Variants in ELL observed in about 807,000 individuals in gnomAD.
The protein encoded by ELL is RNA polymerase II elongation factor ELL.
Under a neutral mutation model 64.0 loss-of-function variants are expected in ELL, and 18 were observed. The ratio of observed to expected loss-of-function variants is 0.28; its 90% CI spans 0.19 to 0.42. ELL has a LOEUF of 0.42. ELL is among the 10% of genes least tolerant of loss of function. The probability of loss-of-function intolerance (pLI) is 1.00; values close to 1 mark genes in which losing one functional copy is unlikely to be tolerated. For synonymous variants in ELL, 399 were observed against 376.2 expected (o/e 1.06, Z -0.70); for missense variants, 797 against 870.4 (o/e 0.92, Z 1.06).
rs750520287 is a variant in ELL, at chr19:18,450,508, A to T, written c.1434T>A (p.His478Gln). The change falls in exon 8 of 12, where the codon CAT (histidine) becomes CAA (glutamine). Residue 478 changes from histidine to glutamine, a missense_variant. By Grantham distance (24) the His-to-Gln change is conservative. Transcript: ENST00000262809. The stretch of plus-strand genomic sequence containing the variant: ...TGTCTGCTGGGGCTCCGGGGGTGGC[A>T]TGGGTGGCAGGTGCACAGTCTGGAA... ...AQLPDCAPAT[H>Q]ATPGAPADTP... is the part of the protein sequence containing the mutation. 2 of 1,613,110 alleles carry T rather than the reference A, an allele frequency of 1.2e-6. No individual in the cohort carries two copies. The highest frequency in any genetic ancestry group is 1.7e-6 in the Non-Finnish European group (2 of 1,179,896).
intron 4 of ELL, among the ~76,000 whole-genome samples, chr19:18,463,822 C>CA (rs930497702): frequency 2.7e-4 from 40 of 149,690 alleles, no homozygotes; most frequent in African/African-American, 8.1e-4. Context: ...ATTAAAAATA[C>CA]AAAAAAAAAG....
intron 1 of ELL, among the ~76,000 whole-genome samples, chr19:18,481,037 T>C (rs1299483715): frequency 6.6e-6 from 1 of 152,166 alleles, no homozygotes; most frequent in Non-Finnish European, 1.5e-5. Context: ...TGCCCAAAAC[T>C]GTGGCCTCTA....
At chr19:18,474,240 C>G (rs1975128629) in intron 1 of ELL, among the ~76,000 whole-genome samples, 1 of 152,240 alleles carries the variant, frequency 6.6e-6, no homozygotes, top group Non-Finnish European at 1.5e-5. Context: ...GCTGGCCTTT[C>G]AGCACCTGCT....
At chr19:18,486,145 A>G (rs1474391565) in intron 1 of ELL, among the ~76,000 whole-genome samples, 2 of 152,072 alleles carry the variant, frequency 1.3e-5, no homozygotes, top group Admixed American at 6.5e-5. Context: ...AAACACCCCC[A>G]GGCTGCCCTG....
intron 4 of ELL, 151 bp from the exon 5 acceptor site, chr19:18,462,003 G>C (rs1330914205): frequency 5.6e-6 from 6 of 1,080,400 alleles, no homozygotes; most frequent in Non-Finnish European, 6.5e-6. Context: ...TTGCTCCTTG[G>C]GGACCCTGGG....
intron 1 of ELL, among the ~76,000 whole-genome samples, chr19:18,473,416 A>G (rs1193267232): frequency 6.6e-6 from 1 of 152,234 alleles, no homozygotes; most frequent in East Asian, 1.9e-4. Flanking sequence ...ACTGGCTTTT[A>G]ACAACCAGGT....
chr19:18,453,871 G>A (rs1477020746), intron 6 of ELL, among the ~76,000 whole-genome samples: 1 of 152,164 alleles, frequency 6.6e-6, no homozygotes, highest in African/African-American at 2.4e-5. Context: ...GCCCGGTCCT[G>A]ATTCAACATT....
Position 18,465,967 on chromosome 19 carries a change from G to C in ELL, c.184-49C>G, listed in dbSNP as rs1009142771. 3 of 1,262,344 alleles carry C rather than the reference G, an allele frequency of 2.4e-6. No homozygotes were observed. In the African/African-American group the frequency reaches 4.6e-5, roughly 19 times the overall value. The allele number at this position is 1,262,344 out of a possible 1,614,324, so 78.2% of individuals were successfully genotyped here. On this transcript the variant is annotated intron_variant, in intron 2 of 11. Transcript: ENST00000262809. The stretch of plus-strand genomic sequence containing the variant: ...CACTGGGAGGTCCTCGGCAGGACAG[G>C]TCCCCAGCCTGCATCTTCCTGCATG...
intron 1 of ELL, among the ~76,000 whole-genome samples, chr19:18,486,649 G>A (rs780952727): frequency 1.2e-3 from 180 of 152,292 alleles, no homozygotes; most frequent in Non-Finnish European, 1.6e-3. Flanking sequence ...TCACAGCTCC[G>A]CACCGGACTC....
chr19:18,482,307 C>CTTTTT (rs1975316493), intron 1 of ELL, among the ~76,000 whole-genome samples: 1 of 79,046 alleles, frequency 1.3e-5, no homozygotes, highest in African/African-American at 8.6e-5. Flanking sequence ...TCTTTTCATT[C>CTTTTT]CTTTTTTTTT....
intron 2 of ELL, among the ~76,000 whole-genome samples, chr19:18,466,281 C>T (rs1440756640): frequency 6.6e-6 from 1 of 152,220 alleles, no homozygotes; most frequent in East Asian, 1.9e-4. Context: ...TCACTTTCCC[C>T]ACCACCAAAT....
In ELL at chr19:18,462,365, T is replaced by TGTG. The variant is rs1295088969; in HGVS notation, c.470-514_470-513insCAC. Among the ~76,000 whole-genome samples the TGTG allele has an allele frequency of 4.2e-3, 163 of 38,798 alleles. 8 individuals are homozygous for TGTG. The highest frequency in any genetic ancestry group is 0.014 in the Middle Eastern group (1 of 70). The allele number at this position is 38,798 out of a possible 152,430, so 25.5% of individuals were successfully genotyped here. On this transcript the variant is annotated intron_variant, in intron 4 of 11. Coordinates refer to ENST00000262809, the MANE Select transcript of ELL (RefSeq NM_006532.4). Reference sequence around the variant, plus strand: ...TGTGTGTGTGTGTGTGTGTGTGTGTTTGGGCGGGGGGCGGGGGGGGAAGGA... The same window carrying TGTG: ...TGTGTGTGTGTGTGTGTGTGTGTGTTGTGTGGGCGGGGGGCGGGGGGGGAAGGA...
chr19:18,521,697 A>G (rs1976282634), intron 1 of ELL, among the ~76,000 whole-genome samples: 1 of 151,772 alleles, frequency 6.6e-6, no homozygotes. Flanking sequence ...GCCCCTCAGC[A>G]GCCCCGGGCC....
chr19:18,454,462 G>A (rs2144900545), intron 6 of ELL, among the ~76,000 whole-genome samples: 1 of 152,230 alleles, frequency 6.6e-6, no homozygotes, highest in East Asian at 1.9e-4. Context: ...TCGCGCCACT[G>A]CACTCCAGCC....
chr19:18,503,208 C>T (rs536501173), intron 1 of ELL, among the ~76,000 whole-genome samples: 5 of 152,376 alleles, frequency 3.3e-5, no homozygotes, highest in African/African-American at 1.2e-4. Flanking sequence ...CCAGTGGCAC[C>T]GCCCGCCCAG....
Position 18,449,077 on chromosome 19 carries a change from C to T in ELL, c.1465+1400G>A, listed in dbSNP as rs532577930. Among the ~76,000 whole-genome samples, 23 of 152,312 alleles carry T rather than the reference C, an allele frequency of 1.5e-4. No homozygotes were observed. The highest frequency in any genetic ancestry group is 5.3e-4 in the African/African-American group (22 of 41,570). ...GACATCTACCCCTGCTTTGCATTTT[C>T]TCACCTGTGGTAGAGATGACAGCCC... On this transcript the variant is annotated intron_variant, in intron 8 of 11. Transcript: ENST00000262809. The surrounding 1 kb of genome is among the most constrained non-coding windows in gnomAD (Gnocchi z 4.4).
At chr19:18,517,669 T>G (rs1976156913) in intron 1 of ELL, among the ~76,000 whole-genome samples, 2 of 151,226 alleles carry the variant, frequency 1.3e-5, no homozygotes, top group Admixed American at 1.3e-4. Flanking sequence ...AAGACCAGCT[T>G]AGGCAAAATG....
In ELL at chr19:18,461,927, C is replaced by T. The variant is rs557661164; in HGVS notation, c.470-75G>A. 2.3e-5 allele frequency: 36 copies of T among 1,542,014 alleles called. No homozygotes were observed. The South Asian group carries it at 3.7e-4, about 16-fold the overall frequency. On this transcript the variant is annotated intron_variant, in intron 4 of 11. Transcript: ENST00000262809. Reference sequence around the variant, plus strand: ...CTAAGCCAGTGCTGCTGACCAGGTGCCCAGAGGTTTGAGACTATAGACAGT... The same window carrying T: ...CTAAGCCAGTGCTGCTGACCAGGTGTCCAGAGGTTTGAGACTATAGACAGT...
In ELL at chr19:18,461,650, C is replaced by G; in HGVS notation, c.672G>C (p.Glu224Asp). The change falls in exon 5 of 12, where the codon GAG becomes GAC. Residue 224 changes from glutamate to aspartate, a missense_variant. Transcript: ENST00000262809. ...CGTCCTTCTGCAGTCGCAGCAGCAG[C>G]TCAGCCTTGCGGTAGGGCCGTAGTG... is the stretch of plus-strand genomic sequence containing the variant. Reference protein sequence around the residue: ...LLALRPYRKAELLLRLQKDGL... With the variant: ...LLALRPYRKADLLLRLQKDGL... The G allele has an allele frequency of 6.2e-7, 1 of 1,612,532 alleles. No individual in the cohort carries two copies. Among genetic ancestry groups the G allele is most frequent in the Non-Finnish European group, 8.5e-7 (1 of 1,179,980 alleles).
Sources: allele counts gnomAD v4.1 joint callset (sites outside exome capture counted in the v4.1 genomes callset), GRCh38; gene constraint gnomAD v4.1.1; non-coding constraint Gnocchi (gnomAD v3.1); transcripts MANE v1.5; gene names NCBI Gene and HGNC (gene_info 2026-07-23, HGNC 2026-07-21).